Variants in DLGAP4 observed in about 807,000 individuals in gnomAD.
DLGAP4 encodes disks large-associated protein 4.
Under a neutral mutation model 86.9 loss-of-function variants are expected in DLGAP4, and 18 were observed. The ratio of observed to expected loss-of-function variants is 0.21; its 90% CI spans 0.14 to 0.31. The LOEUF (loss-of-function observed/expected upper bound fraction) is 0.31, where lower values mean the gene tolerates loss of function less well. Among genes scored for constraint, DLGAP4 ranks in the 10% least tolerant of loss-of-function variants. The probability of loss-of-function intolerance (pLI) is 1.00; values close to 1 mark genes in which losing one functional copy is unlikely to be tolerated. For missense variants in DLGAP4, 1,085 were observed against 1,362.6 expected, an observed-to-expected ratio of 0.80 and a Z score of 3.21; for synonymous variants, 548 against 574.3, an observed-to-expected ratio of 0.95 and a Z score of 0.65.
chr20:36,506,625 T>G (rs2036388452), intron 10 of DLGAP4, among the ~76,000 whole-genome samples: 1 of 152,232 alleles, frequency 6.6e-6, no homozygotes, highest in Non-Finnish European at 1.5e-5. Flanking sequence ...ACTTTAAACT[T>G]GACAATGTTC....
At position 36,310,180 on chromosome 20, in the gene DLGAP4, AAAAGAAAGAAAGAAAGAAAG is replaced by A. The variant is rs1161085107; in HGVS notation, c.-304+3712_-304+3731del. On this transcript the variant is annotated intron_variant, in intron 1 of 12. Transcript: ENST00000339266. ...GAGACCCTGTCTCTACAAAAAAAAA[AAAAGAAAGAAAGAAAGAAAG>A]AAAGAAAGAAAGAAAGAAAGAAAGA... Among the ~76,000 whole-genome samples the A allele has an allele frequency of 2.4e-4, 30 of 124,184 alleles. 1 individual carries two copies. The South Asian group carries it at 3.2e-3, about 13-fold the overall frequency. 81.5% of individuals were successfully genotyped at this position (124,184 alleles called of 152,430 possible). A position where few individuals can be genotyped will look rare whatever the true frequency, so the allele number is the denominator to read the frequency against.
chr20:36,388,805 G>A (rs1469166149), intron 2 of DLGAP4, among the ~76,000 whole-genome samples: 6 of 152,284 alleles, frequency 3.9e-5, no homozygotes, highest in African/African-American at 9.6e-5. Context: ...CTTTTCCTGC[G>A]ATTATTACTT....
intron 2 of DLGAP4, among the ~76,000 whole-genome samples, chr20:36,369,806 A>G (rs551966379): frequency 6.6e-6 from 1 of 152,344 alleles, no homozygotes; most frequent in South Asian, 2.1e-4. Context: ...CGGCTAAAAA[A>G]CAATTGTAAA....
intron 7 of DLGAP4, among the ~76,000 whole-genome samples, chr20:36,447,446 G>C (rs764892107): frequency 3.3e-5 from 5 of 152,154 alleles, no homozygotes; most frequent in Non-Finnish European, 7.4e-5. Flanking sequence ...TGTTGAGACA[G>C]AGTCTCACTC....
At chr20:36,356,142 CCAG>C (rs2147395868) in intron 1 of DLGAP4, among the ~76,000 whole-genome samples, 1 of 152,334 alleles carries the variant, frequency 6.6e-6, no homozygotes, top group South Asian at 2.1e-4. Flanking sequence ...ATTAGCAAAG[CCAG>C]CTTTAGGATG....
chr20:36,526,313 T>C (rs2037758227), intron 12 of DLGAP4, among the ~76,000 whole-genome samples: 1 of 152,084 alleles, frequency 6.6e-6, no homozygotes, highest in African/African-American at 2.4e-5. Flanking sequence ...TGGTCCCTTC[T>C]CCTGGGGCCC....
intron 5 of DLGAP4, among the ~76,000 whole-genome samples, chr20:36,440,138 T>A (rs373798857): frequency 2.0e-5 from 3 of 152,136 alleles, no homozygotes; most frequent in African/African-American, 4.8e-5. Flanking sequence ...TCACTTCTCA[T>A]TGGGTTCAGA....
chr20:36,479,666 A>T (rs553959258), intron 7 of DLGAP4, among the ~76,000 whole-genome samples: 1 of 152,104 alleles, frequency 6.6e-6, no homozygotes, highest in Admixed American at 6.6e-5. Flanking sequence ...GAAGCTGAGC[A>T]TGGTGTGTTG....
intron 1 of DLGAP4, among the ~76,000 whole-genome samples, chr20:36,357,872 G>A (rs1290017477): frequency 6.6e-6 from 1 of 152,214 alleles, no homozygotes; most frequent in African/African-American, 2.4e-5. Context: ...AGGGGGCTGC[G>A]GATCCCGTCG....
intron 10 of DLGAP4, among the ~76,000 whole-genome samples, chr20:36,506,491 G>A (rs2147794380): frequency 6.6e-6 from 1 of 152,206 alleles, no homozygotes; most frequent in South Asian, 2.1e-4. Flanking sequence ...CAGACAGATG[G>A]AGTCACATAG....
intron 2 of DLGAP4, among the ~76,000 whole-genome samples, chr20:36,381,608 T>G (rs1303873218): frequency 6.6e-6 from 1 of 152,208 alleles, no homozygotes; most frequent in Non-Finnish European, 1.5e-5. Flanking sequence ...GACTCCTGTC[T>G]TCATTGAGCC....
At chr20:36,325,765 G>T (rs186473344) in intron 1 of DLGAP4, among the ~76,000 whole-genome samples, 3 of 150,380 alleles carry the variant, frequency 2.0e-5, no homozygotes, top group Non-Finnish European at 4.4e-5. Context: ...TGCCTGGGCT[G>T]GAGTACAATG....
intron 1 of DLGAP4, among the ~76,000 whole-genome samples, chr20:36,320,227 C>G (rs1479294283): frequency 3.4e-5 from 5 of 146,768 alleles, no homozygotes; most frequent in Non-Finnish European, 7.5e-5. Flanking sequence ...CTCCTCCAGG[C>G]CCCCCTCTGT....
At chr20:36,407,768 CACAA>C (rs2032367508) in intron 2 of DLGAP4, among the ~76,000 whole-genome samples, 1 of 152,074 alleles carries the variant, frequency 6.6e-6, no homozygotes, top group Non-Finnish European at 1.5e-5. Context: ...AGAGGAAACA[CACAA>C]ACAGCCTGGA....
intron 10 of DLGAP4, among the ~76,000 whole-genome samples, chr20:36,521,361 T>G: frequency 6.6e-6 from 1 of 152,274 alleles, no homozygotes; most frequent in African/African-American, 2.4e-5. Context: ...TTTTAGTAGT[T>G]TTTCTTTTTT....
chr20:36,454,636 CA>C (rs1490365267), intron 7 of DLGAP4, among the ~76,000 whole-genome samples: 2 of 152,188 alleles, frequency 1.3e-5, no homozygotes, highest in African/African-American at 4.8e-5. Context: ...AAGGAGTGAG[CA>C]ATCGGGTCCT....
intron 7 of DLGAP4, among the ~76,000 whole-genome samples, chr20:36,460,698 G>C (rs1410053054): frequency 6.6e-6 from 1 of 152,190 alleles, no homozygotes; most frequent in Non-Finnish European, 1.5e-5. Flanking sequence ...TGAGGAGAGG[G>C]GACTCGCGGG....
chr20:36,402,846 A>G (rs1050820378), intron 2 of DLGAP4, among the ~76,000 whole-genome samples: 1 of 152,198 alleles, frequency 6.6e-6, no homozygotes, highest in East Asian at 1.9e-4. Context: ...GGGAAGCAAC[A>G]TACTCAAAGT....
At chr20:36,399,382 C>T (rs2032090924) in intron 2 of DLGAP4, among the ~76,000 whole-genome samples, 1 of 152,188 alleles carries the variant, frequency 6.6e-6, no homozygotes, top group Non-Finnish European at 1.5e-5. Context: ...AAAATGAGAC[C>T]CATGCCCTTG....
Sources: gnomAD v4.1 joint callset for allele counts (sites outside exome capture counted in the v4.1 genomes callset) on GRCh38, gnomAD v4.1.1 for gene constraint, MANE v1.5 for transcripts, NCBI Gene and HGNC (gene_info 2026-07-23, HGNC 2026-07-21) for gene names.